The following QTMAN variants were observed in gnomAD, a reference collection of about 807,000 sequenced individuals.
The protein encoded by QTMAN is queuosine-tRNA mannosyltransferase, also known as tRNA-queuosine alpha-mannosyltransferase.
the QTMAN span, among the ~76,000 whole-genome samples, chr2:144,204,384 G>A: frequency 0.06 from 9,150 of 152,162 alleles, 357 homozygotes; most frequent in South Asian, 0.16. Flanking sequence ...CAACAGACAC[G>A]TGAAAAAATT....
chr2:144,204,920 A>T, the QTMAN span, among the ~76,000 whole-genome samples: 7 of 144,740 alleles, frequency 4.8e-5, no homozygotes, highest in Non-Finnish European at 1.0e-4. Context: ...GCATGTTCTC[A>T]CTCATAGGTG....
chr2:144,303,749 T>G, the QTMAN span, among the ~76,000 whole-genome samples: 3 of 152,136 alleles, frequency 2.0e-5, no homozygotes, highest in Non-Finnish European at 4.4e-5. Flanking sequence ...ACCAGAAAAT[T>G]TGATAAACAT....
chr2:144,024,408 T>C, the QTMAN span, among the ~76,000 whole-genome samples: 3 of 152,362 alleles, frequency 2.0e-5, no homozygotes, highest in East Asian at 1.9e-4. Flanking sequence ...CACTATTCTA[T>C]GCTTTTCTGG....
chr2:144,230,210 G>A, the QTMAN span: 2 of 152,126 alleles, frequency 1.3e-5, no homozygotes, highest in African/African-American at 4.8e-5. Context: ...AAACTGAACA[G>A]ACAGCGTACA....
the QTMAN span, among the ~76,000 whole-genome samples, chr2:144,139,413 GTA>G: frequency 6.6e-6 from 1 of 151,944 alleles, no homozygotes; most frequent in African/African-American, 2.4e-5. Flanking sequence ...TAGGTACATG[GTA>G]TACATTATTT....
the QTMAN span, among the ~76,000 whole-genome samples, chr2:144,088,406 C>A: frequency 6.6e-6 from 1 of 151,892 alleles, no homozygotes; most frequent in Non-Finnish European, 1.5e-5. Flanking sequence ...CCAAAGCAGT[C>A]TACATATTAA....
chr2:144,146,516 C>T, the QTMAN span, among the ~76,000 whole-genome samples: 1 of 151,570 alleles, frequency 6.6e-6, no homozygotes, highest in Non-Finnish European at 1.5e-5. Context: ...TTACTAAATG[C>T]CTACTATGTG....
chr2:144,043,227 T>TTGTGTGTGTG, the QTMAN span, among the ~76,000 whole-genome samples: 1,958 of 148,676 alleles, frequency 0.013, 64 homozygotes, highest in African/African-American at 0.044. Flanking sequence ...ATGTGTGAAT[T>TTGTGTGTGTG]TGTGTGTGTG....
chr2:144,007,201 T>C, the QTMAN span: 1 of 1,593,994 alleles, frequency 6.3e-7, no homozygotes, highest in Non-Finnish European at 8.6e-7. Flanking sequence ...GGCCAGACAA[T>C]GTGTAGCAGT....
the QTMAN span, among the ~76,000 whole-genome samples, chr2:144,068,995 T>C: frequency 6.6e-6 from 1 of 152,134 alleles, no homozygotes; most frequent in Non-Finnish European, 1.5e-5. Flanking sequence ...ACTGCAACCG[T>C]TCTCTCATTA....
At chr2:144,205,518 A>G in the QTMAN span, among the ~76,000 whole-genome samples, 14 of 152,162 alleles carry the variant, frequency 9.2e-5, no homozygotes, top group Non-Finnish European at 1.9e-4. Context: ...AATTTAAGTC[A>G]ATGTTGCTTC....
the QTMAN span, among the ~76,000 whole-genome samples, chr2:144,105,330 C>T: frequency 6.6e-6 from 1 of 152,126 alleles, no homozygotes; most frequent in Non-Finnish European, 1.5e-5. Context: ...AAGTTCAAAC[C>T]CATTGCAAAG....
chr2:144,287,153 T>C, the QTMAN span, among the ~76,000 whole-genome samples: 3,345 of 152,282 alleles, frequency 0.022, 49 homozygotes, highest in Middle Eastern at 0.037. Flanking sequence ...TAAAATGGTA[T>C]TGGCCGGGCA....
chr2:144,315,049 C>T, the QTMAN span, among the ~76,000 whole-genome samples: 1 of 151,934 alleles, frequency 6.6e-6, no homozygotes, highest in Non-Finnish European at 1.5e-5. Context: ...CCATCCCCGG[C>T]TAATTTTGGT....
At chr2:144,019,453 T>TGTGC in the QTMAN span, among the ~76,000 whole-genome samples, 2 of 147,634 alleles carry the variant, frequency 1.4e-5, no homozygotes, top group Non-Finnish European at 3.0e-5. Flanking sequence ...TGTGTGTGTG[T>TGTGC]GTGTGTGTGT....
the QTMAN span, among the ~76,000 whole-genome samples, chr2:144,046,993 G>C: frequency 6.6e-6 from 1 of 152,254 alleles, no homozygotes; most frequent in East Asian, 1.9e-4. Flanking sequence ...ATTTTGGACC[G>C]GGCGTGGTGG....
chr2:144,259,407 C>T, the QTMAN span, among the ~76,000 whole-genome samples: 1 of 152,178 alleles, frequency 6.6e-6, no homozygotes, highest in Non-Finnish European at 1.5e-5. Context: ...GATCCACCCA[C>T]CTCAGCCTCT....
the QTMAN span, among the ~76,000 whole-genome samples, chr2:144,285,378 C>G: frequency 4.6e-5 from 7 of 152,028 alleles, no homozygotes; most frequent in African/African-American, 1.4e-4. Context: ...TATCTGAGAC[C>G]CCAGGACCTC....
the QTMAN span, chr2:143,943,632 T>A: frequency 6.6e-6 from 1 of 152,222 alleles, no homozygotes; most frequent in Non-Finnish European, 1.5e-5. Context: ...TAAAATGAAA[T>A]CTTTGCTTCC....
Sources: allele counts gnomAD v4.1 joint callset (sites outside exome capture counted in the v4.1 genomes callset), GRCh38; gene constraint gnomAD v4.1.1; transcripts MANE v1.5; gene names NCBI Gene and HGNC (gene_info 2026-07-23, HGNC 2026-07-21).